Variants in KDM7A observed in about 807,000 individuals in gnomAD.
KDM7A encodes the protein lysine demethylase 7A, also known as lysine-specific demethylase 7A.
In KDM7A, 28 loss-of-function variants were observed where a neutral mutation model predicts 114.8. The observed-to-expected ratio is 0.24, with a 90% CI of 0.18 to 0.33. KDM7A has a LOEUF of 0.33. Ranked by LOEUF, KDM7A falls within the 10% of genes least tolerant of loss-of-function variation. KDM7A has a pLI of 1.00. For synonymous variants in KDM7A, 423 were observed against 397.8 expected (o/e 1.06, Z -0.75); for missense variants, 942 against 1,142.5 (o/e 0.82, Z 2.53).
At chr7:140,095,232 T>A (rs894625703) in intron 17 of KDM7A, among the ~76,000 whole-genome samples, 1 of 152,184 alleles carries the variant, frequency 6.6e-6, no homozygotes, top group Non-Finnish European at 1.5e-5. Context: ...TTTTTCCACA[T>A]AGAATAAAGG....
At chr7:140,175,726 C>T (rs1794696059) in intron 1 of KDM7A, among the ~76,000 whole-genome samples, 1 of 152,092 alleles carries the variant, frequency 6.6e-6, no homozygotes, top group Admixed American at 6.5e-5. Context: ...ACGTCAAACC[C>T]GGAGCGCGGC....
chr7:140,145,521 A>G (rs757403950), intron 1 of KDM7A, among the ~76,000 whole-genome samples: 1 of 152,242 alleles, frequency 6.6e-6, no homozygotes, highest in Non-Finnish European at 1.5e-5. Context: ...TGTGTGGCTA[A>G]AGGGCAACAA....
chr7:140,175,673 C>T (rs1433463242), intron 1 of KDM7A, among the ~76,000 whole-genome samples: 1 of 152,216 alleles, frequency 6.6e-6, no homozygotes, highest in African/African-American at 2.4e-5. Context: ...TTACAAAACA[C>T]ACGAGTCGGC....
At position 140,091,112 on chromosome 7, in the gene KDM7A, A is replaced by G; in HGVS notation, c.2808T>C (p.His936=). Residue 936 remains histidine (H), a synonymous_variant, in exon 20 of 20, where the codon CAT becomes CAC. Transcript: ENST00000397560. The part of the protein sequence containing the change: ...GKILKLNRNG[H]ARFFV ...AGCTCTGTCACACAAAGAAACGTGC[A>G]TGGCCATTTCTGTTCAACTTAAGGA... 6.2e-7 allele frequency: 1 copy of G among 1,604,982 alleles called. No individual in the cohort carries two copies. The highest frequency in any genetic ancestry group is 2.2e-5 in the East Asian group (1 of 44,838).
At chr7:140,132,136 CTT>C (rs1818797562) in intron 3 of KDM7A, among the ~76,000 whole-genome samples, 1 of 152,160 alleles carries the variant, frequency 6.6e-6, no homozygotes, top group Non-Finnish European at 1.5e-5. Flanking sequence ...AATTCATTCA[CTT>C]TATTTTACAC....
chr7:140,170,805 C>T (rs1794630335), intron 1 of KDM7A, among the ~76,000 whole-genome samples: 1 of 152,198 alleles, frequency 6.6e-6, no homozygotes, highest in African/African-American at 2.4e-5. Flanking sequence ...CACAAATACA[C>T]TATATTCCTA....
At chr7:140,167,458 G>A (rs1794591333) in intron 1 of KDM7A, among the ~76,000 whole-genome samples, 2 of 152,142 alleles carry the variant, frequency 1.3e-5, no homozygotes, top group Non-Finnish European at 2.9e-5. Flanking sequence ...AGTATATACA[G>A]AATCTTTGAC....
chr7:140,169,912 G>GT (rs1293385541), intron 1 of KDM7A, among the ~76,000 whole-genome samples: 40 of 152,194 alleles, frequency 2.6e-4, no homozygotes, highest in African/African-American at 8.4e-4. Flanking sequence ...AACATATTTT[G>GT]TTCAAACAGC....
chr7:140,113,713 A>G (rs1389641930), intron 9 of KDM7A, 131 bp from the exon 10 acceptor site: 16 of 482,304 alleles, frequency 3.3e-5, no homozygotes, highest in Non-Finnish European at 7.4e-6. Context: ...AAATATAAAA[A>G]GTGAAATATG....
At chr7:140,159,207 C>T (rs766603000) in intron 1 of KDM7A, among the ~76,000 whole-genome samples, 3 of 151,930 alleles carry the variant, frequency 2.0e-5, no homozygotes, top group Admixed American at 6.6e-5. Flanking sequence ...ATTAGCCAGG[C>T]GTGGTGGCAC....
rs892933948 is a variant in KDM7A, at chr7:140,088,485, G to C, written c.*2609C>G. 7 of 398,272 alleles carry C rather than the reference G, an allele frequency of 1.8e-5. No individual in the cohort carries two copies. The highest frequency in any genetic ancestry group is 2.1e-5 in the African/African-American group (1 of 48,600). The allele number at this position is 398,272 out of a possible 1,614,324, so 24.7% of individuals were successfully genotyped here. ...GCTGTCTTCCTAAGTTGCTGTGTCT[G>C]TATGGTATAAATGAGGTTCTCTATT... is the stretch of plus-strand genomic sequence containing the variant. On this transcript the variant is annotated 3_prime_UTR_variant, in exon 20 of 20. Transcript: ENST00000397560.
chr7:140,172,883 ATAG>A (rs2116863708), intron 1 of KDM7A, among the ~76,000 whole-genome samples: 1 of 152,338 alleles, frequency 6.6e-6, no homozygotes, highest in African/African-American at 2.4e-5. Flanking sequence ...TATTAATAAA[ATAG>A]TGGTAATCAC....
At chr7:140,152,740 C>T (rs1198224772) in intron 1 of KDM7A, among the ~76,000 whole-genome samples, 2 of 152,086 alleles carry the variant, frequency 1.3e-5, no homozygotes, top group African/African-American at 2.4e-5. Context: ...CATTCTATTT[C>T]GAAACATACA....
intron 7 of KDM7A, among the ~76,000 whole-genome samples, chr7:140,122,196 T>C (rs1162065462): frequency 2.0e-5 from 3 of 152,246 alleles, no homozygotes; most frequent in South Asian, 2.1e-4. Context: ...TCCTTCCTTA[T>C]GCAATTACTA....
intron 18 of KDM7A, among the ~76,000 whole-genome samples, chr7:140,093,032 A>T: frequency 6.6e-6 from 1 of 152,230 alleles, no homozygotes; most frequent in East Asian, 1.9e-4. Context: ...TATGCAAGTA[A>T]TTGCTTAAAT....
chr7:140,168,945 TATC>T (rs1009021153), intron 1 of KDM7A, among the ~76,000 whole-genome samples: 1 of 152,170 alleles, frequency 6.6e-6, no homozygotes, highest in Non-Finnish European at 1.5e-5. Context: ...GAATCAAAGA[TATC>T]ATTATGAAAC....
chr7:140,127,718 T>C, intron 4 of KDM7A, 135 bp from the exon 5 acceptor site: 1 of 793,948 alleles, frequency 1.3e-6, no homozygotes, highest in South Asian at 1.5e-5. Context: ...ATATTTTCCC[T>C]ATACTCTTAA....
At chr7:140,150,362 T>G (rs1441154091) in intron 1 of KDM7A, among the ~76,000 whole-genome samples, 1 of 152,222 alleles carries the variant, frequency 6.6e-6, no homozygotes, top group Non-Finnish European at 1.5e-5. Context: ...CACTAAAAAC[T>G]TTCTAAATCC....
At chr7:140,116,766 AAAAC>A (rs1411345418) in intron 9 of KDM7A, among the ~76,000 whole-genome samples, 1 of 152,176 alleles carries the variant, frequency 6.6e-6, no homozygotes, top group African/African-American at 2.4e-5. Flanking sequence ...GTGATAATCT[AAAAC>A]AAACAAAATA....
Sources: gnomAD v4.1 joint callset for allele counts (sites outside exome capture counted in the v4.1 genomes callset) on GRCh38, gnomAD v4.1.1 for gene constraint, MANE v1.5 for transcripts, NCBI Gene and HGNC (gene_info 2026-07-23, HGNC 2026-07-21) for gene names.